The following TTC6 variants were observed in gnomAD, a reference collection of about 807,000 sequenced individuals.
TTC6 encodes tetratricopeptide repeat protein 6.
TTC6 carries 172 observed loss-of-function variants against 210.4 expected under a neutral mutation model. The observed-to-expected ratio is 0.82, with a 90% CI of 0.72 to 0.93. The LOEUF (loss-of-function observed/expected upper bound fraction) is 0.93, where lower values mean the gene tolerates loss of function less well. Among genes scored for constraint, TTC6 ranks in the 40% least tolerant of loss-of-function variants. TTC6 has a pLI of 0.00. For synonymous variants in TTC6, 804 were observed against 819.6 expected (o/e 0.98, Z 0.32); for missense variants, 2,414 against 2,318.1 (o/e 1.04, Z -0.85).
chr14:37,824,088 T>G, intron 27 of TTC6, 131 bp downstream of exon 29: 1 of 892,206 alleles, frequency 1.1e-6, no homozygotes, highest in South Asian at 1.7e-5. Context: ...ACTTTTAGGT[T>G]CCAGAGTAGC....
chr14:37,609,652 C>A (rs538215899), intron 2 of TTC6, among the ~76,000 whole-genome samples: 1 of 152,180 alleles, frequency 6.6e-6, no homozygotes, highest in Non-Finnish European at 1.5e-5. Flanking sequence ...ATTTATTTGT[C>A]ATTTAAATTG....
intron 25 of TTC6, among the ~76,000 whole-genome samples, chr14:37,813,520 A>G (rs2096134494): frequency 1.3e-5 from 2 of 152,180 alleles, no homozygotes; most frequent in African/African-American, 4.8e-5. Flanking sequence ...CTAAGCAACC[A>G]CTAAACAACT....
intron 20 of TTC6, among the ~76,000 whole-genome samples, chr14:37,803,159 A>G (rs1237333329): frequency 1.3e-5 from 2 of 151,768 alleles, no homozygotes; most frequent in Admixed American, 1.3e-4. Flanking sequence ...ATTTGCTTTA[A>G]TCTCCTCCTC....
intron 1 of TTC6, among the ~76,000 whole-genome samples, chr14:37,651,413 ATATATATATATATTTTTTTT>A (rs1462712042): frequency 3.1e-4 from 7 of 22,912 alleles, no homozygotes; most frequent in Admixed American, 4.3e-4. Flanking sequence ...ATATATATAT[ATATATATATATATTTTTTTT>A]TTTTTTTTTT....
chr14:37,832,610 C>T (rs1271391955), intron 29 of TTC6, among the ~76,000 whole-genome samples: 1 of 151,898 alleles, frequency 6.6e-6, no homozygotes, highest in Non-Finnish European at 1.5e-5. Context: ...TTTTCATTTG[C>T]TTATTTAATT....
At chr14:37,772,169 C>A (rs1255555278) in intron 14 of TTC6, among the ~76,000 whole-genome samples, 1 of 152,204 alleles carries the variant, frequency 6.6e-6, no homozygotes, top group Non-Finnish European at 1.5e-5. Context: ...GTTCTCAGAT[C>A]TCCAGCTGCG....
intron 27 of TTC6, among the ~76,000 whole-genome samples, chr14:37,824,323 G>A (rs2096165317): frequency 1.3e-5 from 2 of 152,098 alleles, no homozygotes; most frequent in South Asian, 2.1e-4. Context: ...ATATACCTAG[G>A]CCCCACAGGT....
At chr14:37,806,119 T>TTGTAATCTAACAATATGGATTAGGTC (rs2096118058) in intron 21 of TTC6, among the ~76,000 whole-genome samples, 1 of 152,166 alleles carries the variant, frequency 6.6e-6, no homozygotes, top group Non-Finnish European at 1.5e-5. Flanking sequence ...ACCTGAAATA[T>TTGTAATCTAACAATATGGATTAGGTC]TGTAATCTAA....
Position 37,796,964 on chromosome 14 carries a change from G to A in TTC6, c.4029+17G>A. 6.3e-7 allele frequency: 1 copy of A among 1,576,158 alleles called. No homozygotes were observed. The highest frequency in any genetic ancestry group is 8.6e-7 in the Non-Finnish European group (1 of 1,163,354). Reference sequence around the variant, plus strand: ...AGAACCAAGGTGAAAAGTCCTCTGAGTAATGTTTACTAAACCTATTAATGA... The same window carrying A: ...AGAACCAAGGTGAAAAGTCCTCTGAATAATGTTTACTAAACCTATTAATGA... On this transcript the variant is annotated intron_variant, in intron 20 of 30. Coordinates refer to ENST00000553443, the Ensembl canonical transcript of TTC6.
intron 29 of TTC6, among the ~76,000 whole-genome samples, chr14:37,830,669 A>G (rs1448683062): frequency 6.7e-6 from 1 of 149,442 alleles, no homozygotes; most frequent in African/African-American, 2.5e-5. Context: ...TTTCCTGGTC[A>G]CCTCTTTTCT....
At chr14:37,692,901 A>AAATC (rs1339663952) in intron 3 of TTC6, among the ~76,000 whole-genome samples, 4 of 144,042 alleles carry the variant, frequency 2.8e-5, no homozygotes, top group Non-Finnish European at 4.6e-5. Flanking sequence ...ATAAATAAAT[A>AAATC]AATCCCAAAA....
exon 25 of TTC6, chr14:37,812,343 T>G: frequency 6.2e-7 from 1 of 1,613,382 alleles, no homozygotes; most frequent in Non-Finnish European, 8.5e-7. Flanking sequence ...TTGTGCTGCT[T>G]CTTGATGCTA....
At chr14:37,749,053 C>A in exon 11 of TTC6, 1 of 1,535,682 alleles carries the variant, frequency 6.5e-7, no homozygotes, top group Non-Finnish European at 8.7e-7. Flanking sequence ...TTGAAAAATT[C>A]GTCCAAGCTA....
intron 29 of TTC6, among the ~76,000 whole-genome samples, chr14:37,838,170 A>C (rs945952582): frequency 6.6e-6 from 1 of 152,332 alleles, no homozygotes; most frequent in East Asian, 1.9e-4. Flanking sequence ...TTCATCCATC[A>C]GGGAGTTAGA....
intron 14 of TTC6, among the ~76,000 whole-genome samples, chr14:37,759,549 G>A (rs1171424911): frequency 6.6e-6 from 1 of 152,098 alleles, no homozygotes; most frequent in African/African-American, 2.4e-5. Flanking sequence ...ATGTTGGCCT[G>A]TTTCGCTAGA....
intron 1 of TTC6, among the ~76,000 whole-genome samples, chr14:37,605,149 A>G (rs2095622831): frequency 6.6e-6 from 1 of 152,240 alleles, no homozygotes. Context: ...GAGGGGCTTC[A>G]GTGATTTGTC....
chr14:37,823,967 C>T lies in TTC6; in HGVS notation c.4974+10C>T, dbSNP rs1262482784. 1 of 1,610,868 alleles carries T rather than the reference C, an allele frequency of 6.2e-7. No individual in the cohort carries two copies. Among genetic ancestry groups the T allele is most frequent in the Non-Finnish European group, 8.5e-7 (1 of 1,177,598 alleles). On this transcript the variant is annotated intron_variant, in intron 27 of 30. Coordinates refer to ENST00000553443, the Ensembl canonical transcript of TTC6. ...TGGCTATAATTTGCAGGTAATATAG[C>T]AACATTTTGAGCATTAAAAGCATGT... is the stretch of plus-strand genomic sequence containing the variant.
chr14:37,739,568 T>TA lies in TTC6; in HGVS notation c.2363+435dup, dbSNP rs869033607. 3.2e-3 allele frequency among the ~76,000 whole-genome samples: 396 copies of TA among 122,336 alleles called. 2 individuals are homozygous for TA. Among genetic ancestry groups the TA allele is most frequent in the African/African-American group, 0.01 (325 of 31,022 alleles). 80.3% of individuals were successfully genotyped at this position (122,336 alleles called of 152,430 possible). ...TGGATGACAGAGTGAGACTCCATCT[T>TA]AAAAAAAAAAAAAAAAAAAAAAGAA... On this transcript the variant is annotated intron_variant, in intron 10 of 30. Transcript: ENST00000553443.
At chr14:37,817,127 C>T (rs796984801) in intron 25 of TTC6, among the ~76,000 whole-genome samples, 3 of 152,308 alleles carry the variant, frequency 2.0e-5, no homozygotes, top group African/African-American at 7.2e-5. Context: ...ACCCTTTCCC[C>T]AACCTGGATG....
Sources: allele counts gnomAD v4.1 joint callset (sites outside exome capture counted in the v4.1 genomes callset), GRCh38; gene constraint gnomAD v4.1.1; transcripts MANE v1.5; gene names NCBI Gene and HGNC (gene_info 2026-07-23, HGNC 2026-07-21).